TRHDE: variants seen among roughly 807,000 people sequenced by gnomAD.
TRHDE encodes the protein thyrotropin releasing hormone degrading enzyme.
Under a neutral mutation model 125.7 loss-of-function variants are expected in TRHDE, and 72 were observed. The observed-to-expected ratio is 0.57, with a 90% CI of 0.47 to 0.70. The LOEUF (loss-of-function observed/expected upper bound fraction) is 0.70. Among genes scored for constraint, TRHDE ranks in the 30% least tolerant of loss-of-function variants. The pLI, the probability that TRHDE is intolerant of heterozygous loss-of-function variation, is 0.00. For missense variants in TRHDE, 1,110 were observed against 1,327.1 expected, an observed-to-expected ratio of 0.84 and a Z score of 2.54; for synonymous variants, 509 against 509.1, an observed-to-expected ratio of 1.00 and a Z score of 0.00.
chr12:72,570,601 A>G (rs1440778735), intron 10 of TRHDE, among the ~76,000 whole-genome samples: 1 of 147,814 alleles, frequency 6.8e-6, no homozygotes, highest in East Asian at 2.0e-4. Flanking sequence ...AAAAAAAAAA[A>G]AAAAGAGTAG....
chr12:72,215,511 A>G (rs1027930177), intron 2 of TRHDE, among the ~76,000 whole-genome samples: 1 of 152,200 alleles, frequency 6.6e-6, no homozygotes, highest in African/African-American at 2.4e-5. Context: ...GGTTAGAGCC[A>G]GCTTAGGTTC....
chr12:72,109,991 A>G (rs906503587), intron 2 of TRHDE, among the ~76,000 whole-genome samples: 6 of 151,870 alleles, frequency 4.0e-5, no homozygotes, highest in Non-Finnish European at 7.4e-5. Context: ...TCTTGGGTCA[A>G]ATAATTTTTG....
At chr12:72,230,401 C>A (rs1329691182) in intron 2 of TRHDE, among the ~76,000 whole-genome samples, 1 of 152,102 alleles carries the variant, frequency 6.6e-6, no homozygotes. Flanking sequence ...AAGACATGAT[C>A]CTGATATAAC....
upstream of TRHDE, among the ~76,000 whole-genome samples, chr12:72,269,147 A>C (rs1488481555): frequency 1.3e-5 from 2 of 152,082 alleles, no homozygotes; most frequent in African/African-American, 2.4e-5. Context: ...GGTAGAATGG[A>C]CATTCTCTAG....
chr12:72,379,011 C>T (rs185854782), intron 3 of TRHDE, among the ~76,000 whole-genome samples: 23 of 152,306 alleles, frequency 1.5e-4, no homozygotes, highest in Admixed American at 4.6e-4. Flanking sequence ...TCTCTTCCCT[C>T]CTCTTCCCTT....
intron 2 of TRHDE, among the ~76,000 whole-genome samples, chr12:72,216,233 T>C (rs1215220092): frequency 6.6e-6 from 1 of 152,164 alleles, no homozygotes; most frequent in East Asian, 1.9e-4. Context: ...TCTATGAGAC[T>C]TCTAGGCTAG....
At position 72,310,059 on chromosome 12, in the gene TRHDE, A is replaced by G. The variant is rs145856934; in HGVS notation, c.1188+23105A>G. Among the ~76,000 whole-genome samples, 18 of 152,332 alleles carry G rather than the reference A, an allele frequency of 1.2e-4. 1 individual carries two copies. Among genetic ancestry groups the G allele is most frequent in the Middle Eastern group, 6.8e-3 (2 of 294 alleles). The stretch of plus-strand genomic sequence containing the variant: ...ATTGGTGAGACTGGGCCGTATGTCC[A>G]GCACAAGAATAATGGAAGATGCTAT... On this transcript the variant is annotated intron_variant, in intron 2 of 18. Coordinates refer to ENST00000261180, the MANE Select transcript of TRHDE (RefSeq NM_013381.3).
chr12:72,522,357 T>G (rs556117362), intron 6 of TRHDE, among the ~76,000 whole-genome samples: 63 of 152,356 alleles, frequency 4.1e-4, no homozygotes, highest in African/African-American at 1.5e-3. Context: ...ATTAAAGTTT[T>G]TAGAAACATC....
intron 2 of TRHDE, among the ~76,000 whole-genome samples, chr12:72,329,296 G>T (rs1869475750): frequency 6.6e-6 from 1 of 152,184 alleles, no homozygotes; most frequent in African/African-American, 2.4e-5. Flanking sequence ...TCCACTGTAG[G>T]TAAACCAGTC....
chr12:72,574,022 G>C (rs1474184108), intron 10 of TRHDE, among the ~76,000 whole-genome samples: 1 of 151,970 alleles, frequency 6.6e-6, no homozygotes, highest in Non-Finnish European at 1.5e-5. Flanking sequence ...TAAAAAAATT[G>C]ATCATCTATA....
chr12:72,592,916 T>C (rs535123703), intron 12 of TRHDE, among the ~76,000 whole-genome samples: 1 of 152,274 alleles, frequency 6.6e-6, no homozygotes, highest in African/African-American at 2.4e-5. Flanking sequence ...TTTTGCCATG[T>C]TGGCCAGGCT....
intron 2 of TRHDE, among the ~76,000 whole-genome samples, chr12:72,329,718 T>G (rs769577223): frequency 6.6e-6 from 1 of 152,122 alleles, no homozygotes; most frequent in Non-Finnish European, 1.5e-5. Flanking sequence ...GTTTGTCCCA[T>G]TTGGATGGAG....
chr12:72,439,417 C>A (rs149307858), intron 3 of TRHDE, among the ~76,000 whole-genome samples: 1 of 151,826 alleles, frequency 6.6e-6, no homozygotes, highest in Non-Finnish European at 1.5e-5. Context: ...AATATTAACT[C>A]TTCCAATCCA....
At chr12:72,556,289 A>G (rs1382191093) in intron 7 of TRHDE, among the ~76,000 whole-genome samples, 1 of 152,252 alleles carries the variant, frequency 6.6e-6, no homozygotes, top group Non-Finnish European at 1.5e-5. Context: ...AGCAACAGAA[A>G]CAAATTCTGG....
At chr12:72,594,012 A>G (rs1348718057) in intron 12 of TRHDE, among the ~76,000 whole-genome samples, 1 of 152,144 alleles carries the variant, frequency 6.6e-6, no homozygotes, top group Non-Finnish European at 1.5e-5. Flanking sequence ...ATGATTTATA[A>G]TCCCTTGGGT....
chr12:72,095,609 A>T (rs992262534), intron 1 of TRHDE, among the ~76,000 whole-genome samples: 1 of 152,182 alleles, frequency 6.6e-6, no homozygotes, highest in Non-Finnish European at 1.5e-5. Flanking sequence ...TTTCTATTAT[A>T]TTCAACTCTG....
intron 2 of TRHDE, among the ~76,000 whole-genome samples, chr12:72,156,652 A>T (rs994065022): frequency 6.6e-6 from 1 of 152,198 alleles, no homozygotes; most frequent in African/African-American, 2.4e-5. Context: ...GGCTGTGATT[A>T]GGAGTTAGAG....
chr12:72,187,472 GTGGTC>G (rs1877247192), intron 2 of TRHDE, among the ~76,000 whole-genome samples: 1 of 144,396 alleles, frequency 6.9e-6, no homozygotes, highest in African/African-American at 2.6e-5. Context: ...GGTGGTGGTT[GTGGTC>G]GTGGTGGTGG....
intron 18 of TRHDE, among the ~76,000 whole-genome samples, chr12:72,661,760 A>G (rs1874927198): frequency 6.6e-6 from 1 of 152,088 alleles, no homozygotes; most frequent in Non-Finnish European, 1.5e-5. Context: ...TTTTCTTAAT[A>G]TATGTAATTT....
Sources: allele counts gnomAD v4.1 joint callset (sites outside exome capture counted in the v4.1 genomes callset), GRCh38; gene constraint gnomAD v4.1.1; transcripts MANE v1.5; gene names NCBI Gene and HGNC (gene_info 2026-07-23, HGNC 2026-07-21).